Variants in SDK1 observed in about 807,000 individuals in gnomAD.
SDK1 encodes sidekick cell adhesion molecule 1.
Under a neutral mutation model 245.5 loss-of-function variants are expected in SDK1, and 157 were observed. That is an observed-to-expected ratio of 0.64 (90% CI 0.56 to 0.73). The LOEUF (loss-of-function observed/expected upper bound fraction) is 0.73. Among genes scored for constraint, SDK1 ranks in the 30% least tolerant of loss-of-function variants. SDK1 has a pLI of 0.00. For synonymous variants in SDK1, 1,647 were observed against 1,278.5 expected (o/e 1.29, Z -6.15); for missense variants, 3,583 against 3,002.3 (o/e 1.19, Z -4.52).
intron 3 of SDK1, among the ~76,000 whole-genome samples, chr7:3,641,060 G>A (rs1307123183): frequency 6.6e-6 from 1 of 151,712 alleles, no homozygotes; most frequent in African/African-American, 2.4e-5. Context: ...AAAACTATGA[G>A]TATTTTTCTA....
intron 35 of SDK1, among the ~76,000 whole-genome samples, chr7:4,200,069 T>C (rs1403629062): frequency 6.6e-6 from 1 of 152,138 alleles, no homozygotes; most frequent in Non-Finnish European, 1.5e-5. Context: ...CACTTCAGCC[T>C]CTGTGACAGA....
intron 19 of SDK1, among the ~76,000 whole-genome samples, chr7:4,061,202 G>A (rs1779519739): frequency 6.6e-6 from 1 of 151,958 alleles, no homozygotes; most frequent in African/African-American, 2.4e-5. Flanking sequence ...GCTTGATGGG[G>A]ATGGCATTGA....
intron 1 of SDK1, among the ~76,000 whole-genome samples, chr7:3,375,317 AAAATG>A (rs1342148601): frequency 6.6e-6 from 1 of 152,258 alleles, no homozygotes; most frequent in Non-Finnish European, 1.5e-5. Flanking sequence ...GACTAGACAG[AAAATG>A]AAATAAAGTC....
At chr7:3,540,890 A>G (rs1272202215) in intron 1 of SDK1, among the ~76,000 whole-genome samples, 4 of 152,226 alleles carry the variant, frequency 2.6e-5, no homozygotes, top group South Asian at 4.1e-4. Flanking sequence ...CACTATTTTT[A>G]TATCTTCACC....
At chr7:3,853,034 C>T (rs1780457149) in intron 5 of SDK1, among the ~76,000 whole-genome samples, 1 of 152,000 alleles carries the variant, frequency 6.6e-6, no homozygotes, top group African/African-American at 2.4e-5. Flanking sequence ...ATAGTCATCC[C>T]TCCATTCCAG....
At chr7:3,944,998 C>T (rs547229564) in intron 5 of SDK1, among the ~76,000 whole-genome samples, 171 of 152,270 alleles carry the variant, frequency 1.1e-3, no homozygotes, top group Non-Finnish European at 1.9e-3. Flanking sequence ...GTTGTAATCC[C>T]AGCTACTCAG....
At chr7:4,170,227 A>C (rs1380806637) in intron 32 of SDK1, among the ~76,000 whole-genome samples, 1 of 152,164 alleles carries the variant, frequency 6.6e-6, no homozygotes, top group Admixed American at 6.5e-5. Context: ...CTGCAGGATC[A>C]CCTAAGCCCA....
chr7:3,640,556 A>C (rs1290532189), intron 3 of SDK1, among the ~76,000 whole-genome samples: 1 of 152,258 alleles, frequency 6.6e-6, no homozygotes, highest in East Asian at 1.9e-4. Flanking sequence ...TGTAATCATT[A>C]AATAGAGTGA....
Position 3,974,517 on chromosome 7 carries a change from G to C in SDK1, c.1966G>C (p.Asp656His). Reference protein sequence around the residue: ...SCEIVSEGGNDSRMARLEVIE... With the variant: ...SCEIVSEGGNHSRMARLEVIE... Reference sequence around the variant, plus strand: ...CGAGATTGTTTCTGAAGGAGGGAATGACTCCAGGATGGCCCGGCTGGAAGT... The same window carrying C: ...CGAGATTGTTTCTGAAGGAGGGAATCACTCCAGGATGGCCCGGCTGGAAGT... Residue 656 changes from aspartate (D) to histidine (H), a missense_variant, in exon 13 of 45, where the codon GAC becomes CAC. Physicochemically the swap from Asp to His is moderately conservative, Grantham distance 81. Transcript: ENST00000404826. 1 of 1,614,172 alleles carries C rather than the reference G, an allele frequency of 6.2e-7. No homozygotes were observed. The highest frequency in any genetic ancestry group is 8.5e-7 in the Non-Finnish European group (1 of 1,180,028).
At chr7:3,409,245 C>G (rs755541571) in intron 1 of SDK1, among the ~76,000 whole-genome samples, 2 of 151,730 alleles carry the variant, frequency 1.3e-5, no homozygotes, top group African/African-American at 4.8e-5. Flanking sequence ...TCCTCATATC[C>G]TTAATCGCCT....
At chr7:3,327,009 G>A (rs1779955759) in intron 1 of SDK1, among the ~76,000 whole-genome samples, 1 of 152,154 alleles carries the variant, frequency 6.6e-6, no homozygotes, top group African/African-American at 2.4e-5. Context: ...TTAGCTCTTA[G>A]GTTGAATAAT....
intron 14 of SDK1, among the ~76,000 whole-genome samples, chr7:4,006,146 C>A (rs1364759799): frequency 1.3e-5 from 2 of 152,202 alleles, no homozygotes; most frequent in Non-Finnish European, 2.9e-5. Flanking sequence ...ACTGATAATG[C>A]TCTTTTTTAT....
At chr7:4,183,441 C>G (rs1782704616) in intron 35 of SDK1, among the ~76,000 whole-genome samples, 1 of 151,944 alleles carries the variant, frequency 6.6e-6, no homozygotes, top group Non-Finnish European at 1.5e-5. Flanking sequence ...CAAGACCAGC[C>G]TGGCCAACAT....
intron 4 of SDK1, among the ~76,000 whole-genome samples, chr7:3,765,539 G>C (rs557887573): frequency 2.0e-5 from 3 of 152,186 alleles, no homozygotes; most frequent in Non-Finnish European, 4.4e-5. Flanking sequence ...TCTCGTTGTA[G>C]TGTCCACCTG....
At chr7:3,912,304 G>A (rs1257657794) in intron 5 of SDK1, among the ~76,000 whole-genome samples, 1 of 152,216 alleles carries the variant, frequency 6.6e-6, no homozygotes, top group East Asian at 1.9e-4. Flanking sequence ...AGATGCTAAT[G>A]CGTGTATTGT....
chr7:3,832,114 G>A (rs898759536), intron 5 of SDK1, among the ~76,000 whole-genome samples: 1 of 152,074 alleles, frequency 6.6e-6, no homozygotes, highest in African/African-American at 2.4e-5. Context: ...TAAACAAGAG[G>A]CCATAAGGTC....
intron 40 of SDK1, chr7:4,227,536 T>C: frequency 2.2e-6 from 1 of 450,174 alleles, no homozygotes; most frequent in South Asian, 1.6e-5. Flanking sequence ...ATGGCAGTAT[T>C]TAAGAAATAA....
chr7:3,726,393 G>C (rs546213551), intron 4 of SDK1, among the ~76,000 whole-genome samples: 3 of 152,200 alleles, frequency 2.0e-5, no homozygotes, highest in African/African-American at 4.8e-5. Flanking sequence ...TCACTCGACT[G>C]TAAGTATTTC....
chr7:3,408,204 A>G (rs917471070), intron 1 of SDK1, among the ~76,000 whole-genome samples: 1 of 149,172 alleles, frequency 6.7e-6, no homozygotes, highest in African/African-American at 2.5e-5. Flanking sequence ...TGCCTGGCCA[A>G]TTTTTTTTTT....
Sources: allele counts gnomAD v4.1 joint callset (sites outside exome capture counted in the v4.1 genomes callset), GRCh38; gene constraint gnomAD v4.1.1; transcripts MANE v1.5; gene names NCBI Gene and HGNC (gene_info 2026-07-23, HGNC 2026-07-21).